The following MAPK8IP3 variants were observed in gnomAD, a reference collection of about 807,000 sequenced individuals.
The protein encoded by MAPK8IP3 is mitogen-activated protein kinase 8 interacting protein 3.
MAPK8IP3 carries 49 observed loss-of-function variants against 157.8 expected under a neutral mutation model. That is an observed-to-expected ratio of 0.31 (90% confidence interval 0.25 to 0.39). MAPK8IP3 has a LOEUF of 0.39. Ranked by LOEUF, MAPK8IP3 falls within the 10% of genes least tolerant of loss-of-function variation. The pLI is 1.00. For synonymous variants in MAPK8IP3, 897 were observed against 777.7 expected, an observed-to-expected ratio of 1.15 and a Z score of -2.55; for missense variants, 1,478 against 1,889.4, an observed-to-expected ratio of 0.78 and a Z score of 4.04.
chr16:1,766,168 T>TCCCCTCATTCCCACGTTTCTGCCCAG lies in MAPK8IP3; in HGVS notation c.2629+30_2630-23dup. 1.9e-6 allele frequency: 3 copies of TCCCCTCATTCCCACGTTTCTGCCCAG among 1,601,420 alleles called. No homozygotes were observed. The South Asian group carries it at 3.3e-5, about 18-fold the overall frequency. ...GTGAGTCCTGGGCGAGTTTCCCCCA[T>TCCCCTCATTCCCACGTTTCTGCCCAG]CCCCTCATTCCCACGTTTCTGCCCA... On this transcript the variant is annotated intron_variant, in intron 21 of 31. Coordinates refer to ENST00000610761, the MANE Select transcript of MAPK8IP3 (RefSeq NM_001318852.2).
intron 19 of MAPK8IP3, 22 bp downstream of exon 19, chr16:1,764,481 G>T: frequency 6.2e-7 from 1 of 1,604,540 alleles, no homozygotes; most frequent in South Asian, 1.1e-5. Context: ...CGAGGCCACC[G>T]GGCACCCTCC....
intron 1 of MAPK8IP3, among the ~76,000 whole-genome samples, chr16:1,719,901 A>C (rs1245332407): frequency 2.0e-5 from 3 of 152,218 alleles, no homozygotes; most frequent in Non-Finnish European, 4.4e-5. Flanking sequence ...AGAGTTCTAC[A>C]AAAGGGCACT....
At position 1,765,937 on chromosome 16, in the gene MAPK8IP3, TGACG is replaced by T. The variant is rs779994660; in HGVS notation, c.2447-21_2447-18del. 6.3e-7 allele frequency: 1 copy of T among 1,596,524 alleles called. No homozygotes were observed. The highest frequency in any genetic ancestry group is 1.7e-5 in the Admixed American group (1 of 58,354). The stretch of plus-strand genomic sequence containing the variant: ...CAGTAGTGGGTTCCCCCGCACAGGC[TGACG>T]GGCCGTCCCTCTCCCCAGCGGCCAG... On this transcript the variant is annotated intron_variant, in intron 20 of 31. Transcript: ENST00000610761.
intron 1 of MAPK8IP3, among the ~76,000 whole-genome samples, chr16:1,712,018 C>G (rs1166363920): frequency 6.8e-6 from 1 of 146,774 alleles, no homozygotes; most frequent in Non-Finnish European, 1.5e-5. Flanking sequence ...CTAGCCGCCA[C>G]TAGGTCCTGG....
intron 4 of MAPK8IP3, among the ~76,000 whole-genome samples, chr16:1,736,805 C>CATCT (rs1567165325): frequency 6.6e-5 from 3 of 45,724 alleles, no homozygotes; most frequent in Non-Finnish European, 1.1e-4. Flanking sequence ...TCCGTGTGAG[C>CATCT]GTGTGACCGT....
In MAPK8IP3 at chr16:1,731,112, C is replaced by G. The variant is rs141628129; in HGVS notation, c.602+1534C>G. Among the ~76,000 whole-genome samples, 628 of 152,278 alleles carry G rather than the reference C, an allele frequency of 4.1e-3. 5 individuals are homozygous for G. The highest frequency in any genetic ancestry group is 0.015 in the African/African-American group (606 of 41,540). On this transcript the variant is annotated intron_variant, in intron 4 of 31. Transcript: ENST00000610761. The stretch of plus-strand genomic sequence containing the variant: ...CTGAGATCACGCCACAGCACTCCAG[C>G]CTGGGCGACAGAGAGTCCATCTCAA...
intron 4 of MAPK8IP3, among the ~76,000 whole-genome samples, chr16:1,731,704 C>T (rs1049480770): frequency 4.6e-5 from 7 of 152,358 alleles, no homozygotes; most frequent in South Asian, 2.1e-4. Flanking sequence ...ATATTTCCAA[C>T]CTCCTTTTCG....
chr16:1,712,123 G>A (rs368239431), intron 1 of MAPK8IP3, among the ~76,000 whole-genome samples: 198 of 134,484 alleles, frequency 1.5e-3, no homozygotes, highest in African/African-American at 5.4e-3. Context: ...GTACAGTGGC[G>A]CAATCTCGGC....
chr16:1,726,030 T>A (rs1206947043), intron 2 of MAPK8IP3, among the ~76,000 whole-genome samples: 1 of 152,246 alleles, frequency 6.6e-6, no homozygotes, highest in East Asian at 1.9e-4. Flanking sequence ...TTTCCCTAGC[T>A]ACCTCAACAG....
rs777457401 is a variant in MAPK8IP3 at position 1,765,050 on chromosome 16, G to A, written c.2318G>A (p.Arg773Gln). 4.3e-6 allele frequency: 7 copies of A among 1,611,190 alleles called. No homozygotes were observed. The Admixed American group carries it at 5.0e-5, about 12-fold the overall frequency. Residue 773 changes from arginine (R) to glutamine (Q), a missense_variant, in exon 20 of 32, where the codon CGG (arginine) becomes CAG (glutamine). Around this residue, in one of 11 missense-constraint regions of MAPK8IP3, gnomAD observed 669 missense variants for 759.8 expected, o/e 0.88. Coordinates refer to ENST00000610761, the MANE Select transcript of MAPK8IP3 (RefSeq NM_001318852.2). The part of the protein sequence containing the change: ...ELPEMDATSS[R>Q]VWILTSTLTT... ...CCTGAAATGGACGCCACCTCCAGCC[G>A]GGTGTGGATCCTGACCAGCACCCTG...
intron 8 of MAPK8IP3, among the ~76,000 whole-genome samples, chr16:1,750,139 G>C (rs1179123986): frequency 6.6e-6 from 1 of 152,144 alleles, no homozygotes; most frequent in East Asian, 1.9e-4. Flanking sequence ...GAAAAATCCT[G>C]CTAAATAGGG....
chr16:1,748,463 G>A (rs950548395), intron 7 of MAPK8IP3, 117 bp downstream of exon 7: 150 of 1,151,724 alleles, frequency 1.3e-4, no homozygotes, highest in African/African-American at 3.5e-4. Flanking sequence ...GTGGCCTACC[G>A]CCTCCATCCA....
Position 1,711,553 on chromosome 16 carries a change from G to T in MAPK8IP3, c.318+4896G>T, listed in dbSNP as rs148117178. ...CCATTTATTACCAGGGCTGGAGGATGAGCTGTTAGTGCATGAAAATCACTA... is the reference window on the plus strand; with the variant it reads ...CCATTTATTACCAGGGCTGGAGGATTAGCTGTTAGTGCATGAAAATCACTA... On this transcript the variant is annotated intron_variant, in intron 1 of 31. Coordinates refer to ENST00000610761, the MANE Select transcript of MAPK8IP3 (RefSeq NM_001318852.2). 4.2e-4 allele frequency among the ~76,000 whole-genome samples: 64 copies of T among 152,316 alleles called. No homozygotes were observed. In the East Asian group the frequency reaches 8.7e-3, roughly 21 times the overall value.
chr16:1,723,829 A>T (rs1028745566), intron 1 of MAPK8IP3, among the ~76,000 whole-genome samples: 1 of 152,136 alleles, frequency 6.6e-6, no homozygotes, highest in Non-Finnish European at 1.5e-5. Flanking sequence ...CAGACCTTTT[A>T]TGAGCTGCTT....
In MAPK8IP3 at chr16:1,763,739, C is replaced by A. The variant is rs747362583; in HGVS notation, c.1981C>A (p.Arg661Ser). The change falls in exon 17 of 32, where the codon CGT becomes AGT. Residue 661 changes from arginine to serine, a missense_variant. Transcript: ENST00000610761. ...VREHVRNDDG[R>S]LQACGWSLPA... ...TGAGCACGTGCGTAACGACGACGGC[C>A]GTCTGCAGGCCTGCGGCTGGAGCCT... The A allele has an allele frequency of 3.5e-5, 56 of 1,591,406 alleles. No homozygotes were observed. The highest frequency in any genetic ancestry group is 1.3e-4 in the South Asian group (12 of 88,944).
At chr16:1,735,465 CCG>C (rs1187040717) in intron 4 of MAPK8IP3, among the ~76,000 whole-genome samples, 1 of 111,468 alleles carries the variant, frequency 9.0e-6, no homozygotes, top group African/African-American at 4.5e-5. Flanking sequence ...GTGTGAGCGT[CCG>C]TGTGAGAGTG....
intron 25 of MAPK8IP3, 41 bp from the exon 26 acceptor site, chr16:1,767,108 G>C (rs1001446488): frequency 6.2e-6 from 10 of 1,608,046 alleles, no homozygotes; most frequent in Non-Finnish European, 8.5e-6. Context: ...GCAGAGGTGG[G>C]GCCTGGCCAG....
chr16:1,716,760 A>G (rs1026894786), intron 1 of MAPK8IP3, among the ~76,000 whole-genome samples: 1 of 152,030 alleles, frequency 6.6e-6, no homozygotes, highest in Admixed American at 6.5e-5. Context: ...CCAAAAATAC[A>G]AAAATTAGCC....
intron 8 of MAPK8IP3, among the ~76,000 whole-genome samples, chr16:1,756,182 G>A (rs924746715): frequency 2.6e-5 from 4 of 152,204 alleles, no homozygotes; most frequent in African/African-American, 9.7e-5. Flanking sequence ...CAAGTCTTGG[G>A]GGAGCGGGTA....
Sources: allele counts gnomAD v4.1 joint callset (sites outside exome capture counted in the v4.1 genomes callset), GRCh38; gene constraint gnomAD v4.1.1; regional missense constraint gnomAD v4.1.1; transcripts MANE v1.5; gene names NCBI Gene and HGNC (gene_info 2026-07-23, HGNC 2026-07-21).